DNAH17: variants seen among roughly 807,000 people sequenced by gnomAD.
DNAH17 encodes dynein axonemal heavy chain 17.
Under a neutral mutation model 485.6 loss-of-function variants are expected in DNAH17, and 376 were observed. That is an observed-to-expected ratio of 0.77 (90% CI 0.71 to 0.84). The LOEUF is 0.84. DNAH17 is among the 40% of genes least tolerant of loss of function. The pLI is 0.00. For synonymous variants in DNAH17, 3,031 were observed against 2,405.9 expected, an observed-to-expected ratio of 1.26 and a Z score of -7.60; for missense variants, 6,370 against 5,839.3, an observed-to-expected ratio of 1.09 and a Z score of -2.96.
chr17:78,501,044 G>A (rs2090270195), intron 35 of DNAH17, 140 bp downstream of exon 35: 1 of 1,003,370 alleles, frequency 1.0e-6, no homozygotes, highest in Admixed American at 2.7e-5. Flanking sequence ...TGGTAGAACT[G>A]AATGTGAACA....
At chr17:78,528,819 C>A (rs566987272) in intron 22 of DNAH17, among the ~76,000 whole-genome samples, 83 of 152,256 alleles carry the variant, frequency 5.5e-4, no homozygotes, top group African/African-American at 1.7e-3. Context: ...GCCAGCCCCG[C>A]CCCCTTCAGC....
Position 78,450,268 on chromosome 17 carries a change from G to A in DNAH17, c.11026C>T (p.Gln3676Ter). 3 of 1,613,924 alleles carry A rather than the reference G, an allele frequency of 1.9e-6. No homozygotes were observed. Among genetic ancestry groups the A allele is most frequent in the Non-Finnish European group, 2.5e-6 (3 of 1,179,880 alleles). The change falls in exon 68 of 81, where the codon CAG becomes TAG. Residue 3676 changes from glutamine (Q) to a stop codon, truncating the protein, a stop_gained. Coordinates refer to ENST00000389840, the MANE Select transcript of DNAH17 (RefSeq NM_173628.4). LOFTEE classifies it high-confidence loss of function. ...NDLNKINPVY[Q>*]FSLKAFNVVF... ...GCAGGGCGCACCTTGAGGGAGAACTGGTAGACGGGGTTGATTTTGTTGAGA... is the reference window on the plus strand; with the variant it reads ...GCAGGGCGCACCTTGAGGGAGAACTAGTAGACGGGGTTGATTTTGTTGAGA...
intron 20 of DNAH17, 44 bp from the exon 21 acceptor site, chr17:78,530,556 T>C: frequency 6.4e-7 from 1 of 1,567,964 alleles, no homozygotes; most frequent in East Asian, 2.3e-5. Flanking sequence ...CCTGCAAGCC[T>C]AGGGGGGGCG....
chr17:78,430,703 T>C (rs692619), intron 75 of DNAH17, among the ~76,000 whole-genome samples: 147,980 of 152,256 alleles, frequency 0.97, 72,044 homozygotes, highest in East Asian at 1. Context: ...GCCTCAGCCT[T>C]CTGAGTAGCT....
intron 41 of DNAH17, among the ~76,000 whole-genome samples, chr17:78,493,825 C>CCAGGGAT (rs1009384577): frequency 1.3e-5 from 2 of 152,212 alleles, no homozygotes; most frequent in African/African-American, 2.4e-5. Flanking sequence ...GAGGCCTCAC[C>CCAGGGAT]CAGGGATCAG....
Position 78,455,713 on chromosome 17 carries a change from G to A in DNAH17, c.10101C>T (p.Gly3367=). ...CATTCCGGTATTTCTTGGTGAAGTAGCCCACGTAGGACACGAAGGCAGAGA... is the reference window on the plus strand; with the variant it reads ...CATTCCGGTATTTCTTGGTGAAGTAACCCACGTAGGACACGAAGGCAGAGA... The part of the protein sequence containing the change: ...LLISAFVSYV[G]YFTKKYRNEL... The change falls in exon 63 of 81, where the codon GGC becomes GGT. Residue 3367 remains glycine (G), a synonymous_variant. Transcript: ENST00000389840. 1 of 1,603,796 alleles carries A rather than the reference G, an allele frequency of 6.2e-7. No individual in the cohort carries two copies. The highest frequency in any genetic ancestry group is 8.5e-7 in the Non-Finnish European group (1 of 1,175,634).
intron 13 of DNAH17, 80 bp from the exon 14 acceptor site, chr17:78,558,334 C>A (rs1160208439): frequency 1.3e-6 from 2 of 1,523,938 alleles, no homozygotes; most frequent in African/African-American, 1.4e-5. Flanking sequence ...AAATGAGCAT[C>A]TGCCCTGGGA....
chr17:78,474,994 C>G (rs1437339686), intron 54 of DNAH17, among the ~76,000 whole-genome samples: 2 of 151,712 alleles, frequency 1.3e-5, no homozygotes, highest in Admixed American at 1.3e-4. Flanking sequence ...CACGCTTCAC[C>G]TCAGTCACAT....
At chr17:78,534,271 C>T (rs969833167) in intron 19 of DNAH17, among the ~76,000 whole-genome samples, 2 of 152,202 alleles carry the variant, frequency 1.3e-5, no homozygotes, top group African/African-American at 4.8e-5. Context: ...CCCAGATGTG[C>T]ATGGAGATCT....
intron 48 of DNAH17, among the ~76,000 whole-genome samples, chr17:78,482,740 C>T (rs978901458): frequency 2.0e-5 from 3 of 152,190 alleles, no homozygotes; most frequent in African/African-American, 7.2e-5. Context: ...GACACATCCA[C>T]TAAACAGTCC....
At chr17:78,545,806 AAC>A (rs1294085120) in intron 16 of DNAH17, among the ~76,000 whole-genome samples, 2 of 152,116 alleles carry the variant, frequency 1.3e-5, no homozygotes, top group African/African-American at 2.4e-5. Context: ...TCTCATTGGG[AAC>A]ACAACATTTT....
intron 36 of DNAH17, chr17:78,499,366 A>G: frequency 2.9e-6 from 1 of 349,590 alleles, no homozygotes; most frequent in Non-Finnish European, 5.1e-6. Context: ...GACTTCCTGG[A>G]GTCCCTAATA....
In DNAH17 at chr17:78,459,991, G is replaced by C. The variant is rs374825191; in HGVS notation, c.9446C>G (p.Thr3149Arg). 6 of 1,612,706 alleles carry C rather than the reference G, an allele frequency of 3.7e-6. No individual in the cohort carries two copies. The highest frequency in any genetic ancestry group is 5.1e-6 in the Non-Finnish European group (6 of 1,179,910). Residue 3149 changes from threonine to arginine, a missense_variant, in exon 60 of 81, where the codon ACA (threonine) becomes AGA (arginine). Physicochemically the swap from Thr to Arg is moderately conservative, Grantham distance 71. Coordinates refer to ENST00000389840, the MANE Select transcript of DNAH17 (RefSeq NM_173628.4). ...CGGGGACCCAAAGGACTTCAGCTCT[G>C]TCAGGTTGTTCTGCAAATGACAGAC... ...ALDTLNKNNL[T>R]ELKSFGSPPD...
intron 14 of DNAH17, among the ~76,000 whole-genome samples, chr17:78,556,430 C>G (rs912792855): frequency 6.6e-6 from 1 of 152,204 alleles, no homozygotes; most frequent in South Asian, 2.1e-4. Context: ...TCCAGGACTT[C>G]TGACCTCCAG....
In DNAH17 at chr17:78,462,854, G is replaced by A. The variant is rs879171408; in HGVS notation, c.9164C>T (p.Thr3055Met). Residue 3055 changes from threonine (T) to methionine (M), a missense_variant, in exon 57 of 81, where the codon ACG becomes ATG. Coordinates refer to ENST00000389840, the MANE Select transcript of DNAH17 (RefSeq NM_173628.4). ...GCCCCCCTCTCCTACCTGGGAAGCCGTGCTCTGCAGCTTCATCAGGCCGTT... is the reference window on the plus strand; with the variant it reads ...GCCCCCCTCTCCTACCTGGGAAGCCATGCTCTGCAGCTTCATCAGGCCGTT... ...LENGLMKLQS[T>M]ASQVDDLKAK... The A allele has an allele frequency of 2.1e-5, 34 of 1,613,802 alleles. No individual in the cohort carries two copies. The highest frequency in any genetic ancestry group is 2.6e-5 in the Non-Finnish European group (31 of 1,179,868).
At position 78,514,521 on chromosome 17, in the gene DNAH17, AAG is replaced by A. The variant is rs1491287223; in HGVS notation, c.4113+251_4113+252del. On this transcript the variant is annotated intron_variant, in intron 26 of 80. Transcript: ENST00000389840. ...TCCGTCTCAAAAAAAAAAAAAAAAA[AAG>A]AAAAAGAAAATTACTAAGAATTTTG... Among the ~76,000 whole-genome samples the A allele has an allele frequency of 1.8e-4, 27 of 150,246 alleles. No homozygotes were observed. In the East Asian group the frequency reaches 5.3e-3, roughly 30 times the overall value.
At position 78,486,387 on chromosome 17, in the gene DNAH17, ATCT is replaced by A. The variant is rs2089610853; in HGVS notation, c.6935_6937del (p.Lys2312del). The A allele has an allele frequency of 6.2e-7, 1 of 1,613,734 alleles. No homozygotes were observed. Among genetic ancestry groups the A allele is most frequent in the Non-Finnish European group, 8.5e-7 (1 of 1,179,862 alleles). ...CACCGTGATCTCCGGCACTGGCGTG[ATCT>A]TCTTGAACCCAAAGCGCAACTTGTC... is the stretch of plus-strand genomic sequence containing the variant. On this transcript the variant is annotated inframe_deletion, in exon 45 of 81. Transcript: ENST00000389840.
intron 73 of DNAH17, among the ~76,000 whole-genome samples, chr17:78,438,606 T>C (rs1338802394): frequency 1.3e-5 from 2 of 150,544 alleles, no homozygotes; most frequent in Non-Finnish European, 3.0e-5. Flanking sequence ...TCAAGCGATT[T>C]TCCTGCCTCA....
At chr17:78,443,976 C>G (rs546790289) in intron 71 of DNAH17, among the ~76,000 whole-genome samples, 1 of 152,316 alleles carries the variant, frequency 6.6e-6, no homozygotes, top group South Asian at 2.1e-4. Flanking sequence ...CGTTTCTGTG[C>G]TAAACGTCAC....
Sources: allele counts gnomAD v4.1 joint callset (sites outside exome capture counted in the v4.1 genomes callset), GRCh38; gene constraint gnomAD v4.1.1; transcripts MANE v1.5; gene names NCBI Gene and HGNC (gene_info 2026-07-23, HGNC 2026-07-21).